Variants in LRRC4C observed in about 807,000 individuals in gnomAD.
LRRC4C encodes the protein leucine-rich repeat-containing protein 4C.
A neutral mutation model predicts 33.6 loss-of-function variants in LRRC4C; 5 were observed. The ratio of observed to expected loss-of-function variants is 0.15; its 90% confidence interval spans 0.08 to 0.31. The LOEUF is 0.31. LRRC4C is among the 10% of genes least tolerant of loss of function. The pLI is 1.00. For missense variants in LRRC4C, 560 were observed against 796.7 expected (o/e 0.70, Z 3.58); for synonymous variants, 329 against 302.0 (o/e 1.09, Z -0.93).
chr11:40,402,219 T>C (rs1949787092), intron 3 of LRRC4C, among the ~76,000 whole-genome samples: 2 of 152,306 alleles, frequency 1.3e-5, no homozygotes, highest in South Asian at 2.1e-4. Flanking sequence ...ATTTTCACTA[T>C]ATGTTTGTCT....
intron 3 of LRRC4C, among the ~76,000 whole-genome samples, chr11:40,459,666 C>A (rs1565410278): frequency 1.3e-5 from 2 of 152,134 alleles, no homozygotes. Flanking sequence ...ACATTAGAGA[C>A]AAAGCAGAGC....
At chr11:40,980,773 G>A (rs375136241) in intron 1 of LRRC4C, among the ~76,000 whole-genome samples, 4 of 152,008 alleles carry the variant, frequency 2.6e-5, no homozygotes, top group Admixed American at 1.3e-4. Flanking sequence ...TAAAACAAGG[G>A]CTTATTCTTA....
At chr11:40,768,932 G>A (rs755565027) in intron 2 of LRRC4C, among the ~76,000 whole-genome samples, 2 of 152,008 alleles carry the variant, frequency 1.3e-5, no homozygotes, top group African/African-American at 4.8e-5. Flanking sequence ...AACATGAAAA[G>A]GATGCCCACT....
intron 5 of LRRC4C, among the ~76,000 whole-genome samples, chr11:40,165,482 TAGTG>T (rs1211648710): frequency 1.1e-4 from 17 of 152,108 alleles, no homozygotes; most frequent in Admixed American, 1.0e-3. Context: ...TTATAAAAAT[TAGTG>T]AGGAGTAGAG....
At chr11:41,412,442 C>G (rs552325346) in intron 1 of LRRC4C, among the ~76,000 whole-genome samples, 1 of 152,194 alleles carries the variant, frequency 6.6e-6, no homozygotes, top group East Asian at 1.9e-4. Context: ...TTCCATGAAC[C>G]TATTGACAAT....
At chr11:40,160,911 G>T (rs963139081) in intron 5 of LRRC4C, among the ~76,000 whole-genome samples, 2 of 152,182 alleles carry the variant, frequency 1.3e-5, no homozygotes, top group Admixed American at 1.3e-4. Flanking sequence ...GAAGAAACCA[G>T]CCACGTCCAT....
At chr11:40,740,101 T>C (rs148735845) in intron 2 of LRRC4C, among the ~76,000 whole-genome samples, 1 of 152,148 alleles carries the variant, frequency 6.6e-6, no homozygotes, top group East Asian at 1.9e-4. Flanking sequence ...ATCTTGGCTA[T>C]TGGGAATAAT....
intron 3 of LRRC4C, among the ~76,000 whole-genome samples, chr11:40,365,534 T>G (rs1394144842): frequency 6.6e-6 from 1 of 152,040 alleles, no homozygotes; most frequent in Non-Finnish European, 1.5e-5. Flanking sequence ...TCACATGAGT[T>G]CTAAGGGAAA....
Position 41,442,570 on chromosome 11 carries a change from C to T in LRRC4C, c.-496+16861G>A, listed in dbSNP as rs1206143173. ...CTGCAAGCTCCGCCTCCTGGGTTCACGCCATTCTCCTGCCTCAGCCTCCCG... is the reference window on the plus strand; with the variant it reads ...CTGCAAGCTCCGCCTCCTGGGTTCATGCCATTCTCCTGCCTCAGCCTCCCG... On this transcript the variant is annotated intron_variant, in intron 1 of 6. Transcript: ENST00000528697. Among the ~76,000 whole-genome samples, 4 of 143,048 alleles carry T rather than the reference C, an allele frequency of 2.8e-5. No individual in the cohort carries two copies. In the East Asian group the frequency reaches 6.3e-4, roughly 22 times the overall value. 93.8% of individuals were successfully genotyped at this position (143,048 alleles called of 152,430 possible). A position where few individuals can be genotyped will look rare whatever the true frequency, so the allele number is the denominator to read the frequency against.
intron 1 of LRRC4C, among the ~76,000 whole-genome samples, chr11:41,260,188 C>A (rs1948933309): frequency 6.6e-6 from 1 of 152,026 alleles, no homozygotes; most frequent in Non-Finnish European, 1.5e-5. Flanking sequence ...CAATTGTACT[C>A]TTTCCCCAAA....
chr11:40,314,484 T>A (rs1490609090), intron 4 of LRRC4C, among the ~76,000 whole-genome samples: 2 of 152,060 alleles, frequency 1.3e-5, no homozygotes, highest in Non-Finnish European at 2.9e-5. Flanking sequence ...TGAAGAAAAG[T>A]ATGAACGTTC....
intron 1 of LRRC4C, among the ~76,000 whole-genome samples, chr11:40,942,606 G>T (rs1958207440): frequency 6.6e-6 from 1 of 152,108 alleles, no homozygotes; most frequent in Non-Finnish European, 1.5e-5. Flanking sequence ...ACCAGAGAGG[G>T]AGGTGGGATT....
chr11:40,974,823 C>CT (rs1165582128), intron 1 of LRRC4C, among the ~76,000 whole-genome samples: 2 of 152,206 alleles, frequency 1.3e-5, no homozygotes, highest in Non-Finnish European at 2.9e-5. Flanking sequence ...TGTTCTTGCA[C>CT]TTGGAGCTAG....
Position 41,445,866 on chromosome 11 carries a change from A to ATGTGTGTGTGTG in LRRC4C, c.-496+13553_-496+13564dup, listed in dbSNP as rs35999139. On this transcript the variant is annotated intron_variant, in intron 1 of 6. Coordinates refer to ENST00000528697, the MANE Select transcript of LRRC4C (RefSeq NM_001258419.2). ...ACAGTGTGTATGAATGAGTGACTGC[A>ATGTGTGTGTGTG]TGTGTGTGTGTGTGTGTGTGTGTGT... 2.5e-3 allele frequency among the ~76,000 whole-genome samples: 373 copies of ATGTGTGTGTGTG among 149,840 alleles called. 1 individual carries two copies. Among genetic ancestry groups the ATGTGTGTGTGTG allele is most frequent in the African/African-American group, 8.5e-3 (348 of 40,766 alleles).
chr11:40,361,190 C>A (rs1171767809), intron 3 of LRRC4C, among the ~76,000 whole-genome samples: 1 of 152,148 alleles, frequency 6.6e-6, no homozygotes, highest in East Asian at 1.9e-4. Context: ...TGGCACAAGA[C>A]AAGGATGGCC....
At chr11:40,460,190 TTTATA>T (rs1473590316) in intron 3 of LRRC4C, among the ~76,000 whole-genome samples, 8 of 152,128 alleles carry the variant, frequency 5.3e-5, no homozygotes, top group Admixed American at 5.2e-4. Flanking sequence ...TGAGTTTTCC[TTTATA>T]TTATATTATT....
chr11:41,139,029 G>T (rs1943389133), intron 1 of LRRC4C, among the ~76,000 whole-genome samples: 1 of 151,742 alleles, frequency 6.6e-6, no homozygotes, highest in African/African-American at 2.4e-5. Flanking sequence ...TGTTTGTTAG[G>T]TTTTGTTTTG....
intron 1 of LRRC4C, among the ~76,000 whole-genome samples, chr11:41,281,086 TC>T (rs1949660764): frequency 2.1e-5 from 2 of 97,520 alleles, no homozygotes; most frequent in African/African-American, 6.8e-5. Context: ...GTCCTCTCTC[TC>T]TCTCTCTCTC....
intron 4 of LRRC4C, chr11:40,241,871 T>C (rs1282763727): frequency 6.6e-6 from 1 of 152,188 alleles, no homozygotes; most frequent in Admixed American, 6.5e-5. Context: ...GGCATGCTCT[T>C]TGCCTGAGAA....
Sources: allele counts gnomAD v4.1 joint callset (sites outside exome capture counted in the v4.1 genomes callset), GRCh38; gene constraint gnomAD v4.1.1; transcripts MANE v1.5; gene names NCBI Gene and HGNC (gene_info 2026-07-23, HGNC 2026-07-21).